CROT: variants seen among roughly 807,000 people sequenced by gnomAD.
The protein encoded by CROT is carnitine O-octanoyltransferase.
In CROT, 84 loss-of-function variants were observed where a neutral mutation model predicts 89.2. That is an observed-to-expected ratio of 0.94 (90% CI 0.79 to 1.13). The LOEUF (loss-of-function observed/expected upper bound fraction) is 1.13, where lower values mean the gene tolerates loss of function less well. Ranked by LOEUF, CROT falls within the 50% of genes most tolerant of loss-of-function variation. The pLI is 0.00. For synonymous variants in CROT, 212 were observed against 239.5 expected (o/e 0.89, Z 1.06); for missense variants, 711 against 727.8 (o/e 0.98, Z 0.27).
In CROT at chr7:87,382,457, C is replaced by T; in HGVS notation, c.1215C>T (p.Gly405=). 1 of 1,613,860 alleles carries T rather than the reference C, an allele frequency of 6.2e-7. No homozygotes were observed. Among genetic ancestry groups the T allele is most frequent in the Non-Finnish European group, 8.5e-7 (1 of 1,179,850 alleles). Residue 405 remains glycine, a synonymous_variant, in exon 13 of 18, where the codon GGC becomes GGT. Coordinates refer to ENST00000331536, the MANE Select transcript of CROT (RefSeq NM_021151.4). ...CGGCTTATGCCTTTACATCTTTTGG[C>T]AAAAAGCTAACCAAGAACAAGATGC... ...QIAAYAFTSF[G]KKLTKNKMLH...
intron 3 of CROT, among the ~76,000 whole-genome samples, chr7:87,351,302 C>T (rs1402371243): frequency 8.9e-6 from 1 of 112,628 alleles, no homozygotes; most frequent in Non-Finnish European, 1.7e-5. Context: ...GAGCGAGACT[C>T]CATCTCAAAA....
intron 17 of CROT, among the ~76,000 whole-genome samples, chr7:87,395,927 A>G (rs995327276): frequency 6.6e-5 from 10 of 152,204 alleles, no homozygotes; most frequent in Admixed American, 6.5e-4. Context: ...GAACATCATG[A>G]AAGTCTGGAA....
At chr7:87,379,545 C>T (rs1285496344) in intron 10 of CROT, among the ~76,000 whole-genome samples, 2 of 152,194 alleles carry the variant, frequency 1.3e-5, no homozygotes, top group Admixed American at 1.3e-4. Context: ...CTGCTGTTCA[C>T]ACAAATTCAA....
At chr7:87,382,229 C>T in intron 12 of CROT, 48 bp downstream of exon 12, 1 of 1,492,886 alleles carries the variant, frequency 6.7e-7, no homozygotes, top group Non-Finnish European at 9.1e-7. Flanking sequence ...TTTCTTTTAA[C>T]AACCATATGT....
At chr7:87,360,942 A>T (rs142866428) in intron 4 of CROT, among the ~76,000 whole-genome samples, 1 of 152,126 alleles carries the variant, frequency 6.6e-6, no homozygotes, top group Admixed American at 6.6e-5. Context: ...CTCAATATCT[A>T]TGATGATTTA....
chr7:87,378,346 CAA>C (rs33929613), intron 10 of CROT, among the ~76,000 whole-genome samples: 19 of 132,862 alleles, frequency 1.4e-4, no homozygotes, highest in Admixed American at 2.3e-4. Flanking sequence ...ACTCCGACTC[CAA>C]AAAAAAAAAA....
chr7:87,372,679 AT>A (rs1806682063), intron 7 of CROT, among the ~76,000 whole-genome samples: 1 of 152,158 alleles, frequency 6.6e-6, no homozygotes, highest in Admixed American at 6.5e-5. Flanking sequence ...TATACATTTT[AT>A]TAATATAGGA....
At chr7:87,357,658 C>T in intron 3 of CROT, 1 of 702,648 alleles carries the variant, frequency 1.4e-6, no homozygotes, top group Non-Finnish European at 2.5e-6. Flanking sequence ...GTAGAGCGTC[C>T]TCAGAGGGCA....
chr7:87,384,405 A>G (rs1807127543), intron 13 of CROT, among the ~76,000 whole-genome samples: 1 of 152,092 alleles, frequency 6.6e-6, no homozygotes, highest in Non-Finnish European at 1.5e-5. Context: ...AGGGGCACAT[A>G]TCTGTACCTC....
At chr7:87,384,396 G>A (rs754464638) in intron 13 of CROT, among the ~76,000 whole-genome samples, 3 of 152,100 alleles carry the variant, frequency 2.0e-5, no homozygotes, top group Non-Finnish European at 4.4e-5. Context: ...GCCTGATGTA[G>A]GGGCACATAT....
intron 3 of CROT, 31 bp from the exon 4 acceptor site, chr7:87,359,175 A>G (rs765090405): frequency 1.4e-6 from 2 of 1,465,466 alleles, no homozygotes; most frequent in South Asian, 2.4e-5. Flanking sequence ...TACTTGGTCT[A>G]AATACCTTAA....
intron 4 of CROT, among the ~76,000 whole-genome samples, chr7:87,360,272 C>T (rs561806701): frequency 1.8e-4 from 27 of 152,328 alleles, no homozygotes; most frequent in African/African-American, 6.0e-4. Flanking sequence ...AAGAGGGACA[C>T]ATAGAAAACA....
intron 13 of CROT, among the ~76,000 whole-genome samples, chr7:87,382,980 A>T (rs1256023104): frequency 5.3e-5 from 8 of 152,198 alleles, no homozygotes; most frequent in Admixed American, 5.2e-4. Flanking sequence ...TTTTTCATTG[A>T]TAAATAAGTT....
rs114507988 is a variant in CROT at position 87,378,787 on chromosome 7, G to A, written c.978+1337G>A. On this transcript the variant is annotated intron_variant, in intron 10 of 17. Transcript: ENST00000331536. ...GTCACATGCCCAACCTTGGAATCTAGTGGGTAGAATCAGTCTCATTCAAAC... is the reference window on the plus strand; with the variant it reads ...GTCACATGCCCAACCTTGGAATCTAATGGGTAGAATCAGTCTCATTCAAAC... Among the ~76,000 whole-genome samples the A allele has an allele frequency of 3.5e-3, 539 of 152,306 alleles. 5 individuals are homozygous for A. The highest frequency in any genetic ancestry group is 0.012 in the African/African-American group (498 of 41,566).
intron 7 of CROT, 193 bp from the exon 8 acceptor site, chr7:87,375,439 A>G: frequency 2.0e-6 from 1 of 509,320 alleles, no homozygotes. Flanking sequence ...ATTGTCAAAT[A>G]TGCTTTTGGT....
intron 6 of CROT, among the ~76,000 whole-genome samples, chr7:87,368,266 C>T (rs1407822330): frequency 6.6e-6 from 1 of 152,152 alleles, no homozygotes; most frequent in Non-Finnish European, 1.5e-5. Context: ...GAGGTAGCAC[C>T]CTTCTGCCAC....
chr7:87,383,795 C>T (rs778115310), intron 13 of CROT, among the ~76,000 whole-genome samples: 26 of 151,918 alleles, frequency 1.7e-4, no homozygotes, highest in Non-Finnish European at 4.4e-5. Flanking sequence ...CCACGCCCGG[C>T]CCACATTTTC....
intron 10 of CROT, among the ~76,000 whole-genome samples, chr7:87,380,701 G>T (rs916710960): frequency 2.0e-5 from 3 of 152,170 alleles, no homozygotes; most frequent in Admixed American, 1.3e-4. Flanking sequence ...TTTCCATTAG[G>T]AGATGGGTGC....
Position 87,361,502 on chromosome 7 carries a change from A to G in CROT, c.353A>G (p.Glu118Gly), listed in dbSNP as rs754399073. 7.4e-6 allele frequency: 12 copies of G among 1,612,714 alleles called. No individual in the cohort carries two copies. The highest frequency in any genetic ancestry group is 1.0e-5 in the Non-Finnish European group (12 of 1,179,726). ...TTTGAACACTACTGGCCTCCAAAGG[A>G]AGGGACTCAATTAGAAAGAGGAAGT... is the stretch of plus-strand genomic sequence containing the variant. The part of the protein sequence containing the change: ...AHFEHYWPPK[E>G]GTQLERGSIT... The change falls in exon 5 of 18, where the codon GAA (glutamate) becomes GGA (glycine). Residue 118 changes from glutamate to glycine, a missense_variant. Glu to Gly is a moderately conservative substitution (Grantham distance 98). Transcript: ENST00000331536.
Sources: allele counts gnomAD v4.1 joint callset (sites outside exome capture counted in the v4.1 genomes callset), GRCh38; gene constraint gnomAD v4.1.1; transcripts MANE v1.5; gene names NCBI Gene and HGNC (gene_info 2026-07-23, HGNC 2026-07-21).